TTC6: variants seen among roughly 807,000 people sequenced by gnomAD.
The protein encoded by TTC6 is tetratricopeptide repeat protein 6.
A neutral mutation model predicts 210.4 loss-of-function variants in TTC6; 172 were observed. That is an observed-to-expected ratio of 0.82 (90% CI 0.72 to 0.93). TTC6 has a LOEUF of 0.93. Ranked by LOEUF, TTC6 falls within the 40% of genes least tolerant of loss-of-function variation. The pLI, the probability that TTC6 is intolerant of heterozygous loss-of-function variation, is 0.00. For synonymous variants in TTC6, 804 were observed against 819.6 expected (o/e 0.98, Z 0.32); for missense variants, 2,414 against 2,318.1 (o/e 1.04, Z -0.85).
chr14:37,798,912 C>A (rs2096099096), intron 20 of TTC6, among the ~76,000 whole-genome samples: 1 of 152,086 alleles, frequency 6.6e-6, no homozygotes, highest in South Asian at 2.1e-4. Context: ...GTTAGACCAA[C>A]CATGCATTCC....
At chr14:37,703,865 T>A (rs1463358994) in intron 5 of TTC6, among the ~76,000 whole-genome samples, 1 of 152,162 alleles carries the variant, frequency 6.6e-6, no homozygotes, top group Non-Finnish European at 1.5e-5. Context: ...GACATTTAGT[T>A]CAAATTTTTG....
intron 14 of TTC6, among the ~76,000 whole-genome samples, chr14:37,756,697 C>T (rs930872861): frequency 5.3e-5 from 8 of 152,126 alleles, no homozygotes; most frequent in South Asian, 2.1e-4. Flanking sequence ...GGGATAAAGC[C>T]GACTCAGTCA....
At chr14:37,728,641 T>C (rs2095878630) in intron 7 of TTC6, among the ~76,000 whole-genome samples, 1 of 152,188 alleles carries the variant, frequency 6.6e-6, no homozygotes, top group Non-Finnish European at 1.5e-5. Flanking sequence ...GTTTTTGTTT[T>C]GTTTTGTTTT....
intron 14 of TTC6, among the ~76,000 whole-genome samples, chr14:37,770,057 T>C (rs1006156894): frequency 1.3e-5 from 2 of 152,220 alleles, no homozygotes; most frequent in Non-Finnish European, 2.9e-5. Flanking sequence ...CATTTCGTTA[T>C]GTACCCAGTA....
rs764394901 is a variant in TTC6 at position 37,682,873 on chromosome 14, C to A, written c.1166C>A (p.Ser389Ter). The A allele has an allele frequency of 6.5e-7, 1 of 1,535,626 alleles. No individual in the cohort carries two copies. The highest frequency in any genetic ancestry group is 8.7e-7 in the Non-Finnish European group (1 of 1,146,576). The change falls in exon 3 of 31, where the codon TCG becomes TAG. Residue 389 changes from serine to a stop codon, truncating the protein, a stop_gained. Transcript: ENST00000553443. LOFTEE classifies it high-confidence loss of function. ...ATAGTATTTAAACCTCAGGAAATTTCGCAAGTTCAGCCAGCAGAGGAATTA... is the reference window on the plus strand; with the variant it reads ...ATAGTATTTAAACCTCAGGAAATTTAGCAAGTTCAGCCAGCAGAGGAATTA...
chr14:37,650,809 T>A (rs911380652), intron 1 of TTC6, among the ~76,000 whole-genome samples: 1 of 152,212 alleles, frequency 6.6e-6, no homozygotes, highest in Admixed American at 6.5e-5. Flanking sequence ...CTGGATCCTT[T>A]GCAAATCAGA....
intron 14 of TTC6, among the ~76,000 whole-genome samples, chr14:37,758,589 G>C (rs2095974767): frequency 6.6e-6 from 1 of 152,098 alleles, no homozygotes; most frequent in Non-Finnish European, 1.5e-5. Context: ...CTTTGCAAGA[G>C]AGATGGGTCT....
chr14:37,599,941 A>G (rs2095612352), intron 1 of TTC6, among the ~76,000 whole-genome samples: 1 of 152,124 alleles, frequency 6.6e-6, no homozygotes, highest in African/African-American at 2.4e-5. Flanking sequence ...CGCCTGTTGG[A>G]GGACGTGCTC....
intron 29 of TTC6, among the ~76,000 whole-genome samples, chr14:37,838,454 G>A (rs1438649358): frequency 2.0e-5 from 3 of 152,172 alleles, no homozygotes; most frequent in Non-Finnish European, 4.4e-5. Flanking sequence ...AGACTAACTT[G>A]AGGGTCCCTT....
At chr14:37,753,781 T>C (rs1199912351) in intron 14 of TTC6, among the ~76,000 whole-genome samples, 2 of 151,926 alleles carry the variant, frequency 1.3e-5, no homozygotes, top group African/African-American at 4.8e-5. Flanking sequence ...GATCTCGCTT[T>C]GTTGCCTAGG....
chr14:37,679,221 CA>C (rs959609695), intron 1 of TTC6, among the ~76,000 whole-genome samples: 39 of 146,102 alleles, frequency 2.7e-4, no homozygotes, highest in East Asian at 2.4e-3. Flanking sequence ...GTCTCTGTTT[CA>C]AAAAAAAAAG....
intron 14 of TTC6, among the ~76,000 whole-genome samples, chr14:37,754,083 A>C (rs2139054188): frequency 6.6e-6 from 1 of 152,092 alleles, no homozygotes; most frequent in East Asian, 1.9e-4. Context: ...TTAAAATATT[A>C]TTTTATTTTA....
intron 3 of TTC6, among the ~76,000 whole-genome samples, chr14:37,693,682 C>T (rs2095808867): frequency 6.6e-6 from 1 of 152,030 alleles, no homozygotes; most frequent in African/African-American, 2.4e-5. Context: ...ATCACATTAC[C>T]TGACTTCAAA....
chr14:37,637,064 C>T (rs1056723879), intron 1 of TTC6, among the ~76,000 whole-genome samples: 2 of 151,938 alleles, frequency 1.3e-5, no homozygotes, highest in Non-Finnish European at 2.9e-5. Flanking sequence ...GGTTCTGGAA[C>T]TAGTAGACAT....
chr14:37,761,633 CT>C (rs75989178), intron 14 of TTC6, among the ~76,000 whole-genome samples: 8,226 of 152,090 alleles, frequency 0.054, 516 homozygotes, highest in East Asian at 0.17. Context: ...AAGACAACCA[CT>C]GTCTATTTTA....
At chr14:37,815,553 G>C (rs752906808) in intron 25 of TTC6, among the ~76,000 whole-genome samples, 4 of 152,126 alleles carry the variant, frequency 2.6e-5, no homozygotes, top group Non-Finnish European at 1.5e-5. Context: ...CTCCTGCTGT[G>C]ATTGAGATGT....
chr14:37,616,659 T>A (rs1327519029), intron 2 of TTC6, among the ~76,000 whole-genome samples: 1 of 149,502 alleles, frequency 6.7e-6, no homozygotes, highest in Non-Finnish European at 1.5e-5. Context: ...ATCGCGCCAC[T>A]GCACTCCAGC....
chr14:37,632,284 T>C (rs2095671380), intron 1 of TTC6, among the ~76,000 whole-genome samples: 1 of 152,216 alleles, frequency 6.6e-6, no homozygotes, highest in Non-Finnish European at 1.5e-5. Flanking sequence ...ATTGGTGACC[T>C]TTGCATGGGG....
At chr14:37,625,456 G>C (rs934937232) in intron 1 of TTC6, among the ~76,000 whole-genome samples, 2 of 151,600 alleles carry the variant, frequency 1.3e-5, no homozygotes, top group African/African-American at 4.9e-5. Context: ...GCTGAGGCAG[G>C]AAAATCTCTT....
Sources: allele counts gnomAD v4.1 joint callset (sites outside exome capture counted in the v4.1 genomes callset), GRCh38; gene constraint gnomAD v4.1.1; transcripts MANE v1.5; gene names NCBI Gene and HGNC (gene_info 2026-07-23, HGNC 2026-07-21).